Variants in GRIN2B observed in about 807,000 individuals in gnomAD.
The protein encoded by GRIN2B is glutamate receptor ionotropic, NMDA 2B.
GRIN2B carries 5 observed loss-of-function variants against 114.5 expected under a neutral mutation model. The ratio of observed to expected loss-of-function variants is 0.04; its 90% CI spans 0.02 to 0.09. The LOEUF (loss-of-function observed/expected upper bound fraction) is 0.09. GRIN2B is among the 10% of genes least tolerant of loss of function. GRIN2B has a pLI of 1.00. For missense variants in GRIN2B, 1,108 were observed against 1,943.5 expected (o/e 0.57, Z 8.08); for synonymous variants, 787 against 745.1 (o/e 1.06, Z -0.92).
chr12:13,625,244 A>G (rs184354531), intron 5 of GRIN2B, among the ~76,000 whole-genome samples: 9 of 152,332 alleles, frequency 5.9e-5, no homozygotes, highest in East Asian at 3.9e-4. Context: ...TCACCACGCT[A>G]TGTTACCAAG....
At chr12:13,611,923 A>G in intron 8 of GRIN2B, 73 bp from the exon 9 acceptor site, 1 of 1,503,472 alleles carries the variant, frequency 6.7e-7, no homozygotes, top group Non-Finnish European at 9.3e-7. Context: ...TCACATATTC[A>G]TTTCATATTT....
In GRIN2B at chr12:13,547,501, C is replaced by T. The variant is rs890951269; in HGVS notation, c.*15282G>A. Reference sequence around the variant, plus strand: ...GATTCTACTCTTTTTTCATGAATTTCTGTATGATATTTAGCAATTAGAATG... The same window carrying T: ...GATTCTACTCTTTTTTCATGAATTTTTGTATGATATTTAGCAATTAGAATG... On this transcript the variant is annotated 3_prime_UTR_variant, in exon 14 of 14. Transcript: ENST00000609686. 4.6e-5 allele frequency: 7 copies of T among 152,042 alleles called. No homozygotes were observed. The highest frequency in any genetic ancestry group is 1.4e-4 in the African/African-American group (6 of 41,400). The allele number at this position is 152,042 out of a possible 1,614,324, so 9.4% of individuals were successfully genotyped here. A position where few individuals can be genotyped will look rare whatever the true frequency, so the allele number is the denominator to read the frequency against.
At chr12:13,872,934 T>C (rs1865934466) in intron 2 of GRIN2B, among the ~76,000 whole-genome samples, 1 of 152,170 alleles carries the variant, frequency 6.6e-6, no homozygotes, top group Admixed American at 6.5e-5. Flanking sequence ...CTATTTTCTA[T>C]CATTTCAAGC....
chr12:13,908,583 G>A (rs911431487), intron 2 of GRIN2B, among the ~76,000 whole-genome samples: 2 of 152,118 alleles, frequency 1.3e-5, no homozygotes, highest in African/African-American at 2.4e-5. Context: ...TATCACACCC[G>A]AAAGTTCTTC....
chr12:13,592,737 C>T (rs1196408366), intron 10 of GRIN2B, among the ~76,000 whole-genome samples: 2 of 152,150 alleles, frequency 1.3e-5, no homozygotes, highest in African/African-American at 4.8e-5. Flanking sequence ...TTGGGGCATC[C>T]AAGCCTGACA....
In GRIN2B at chr12:13,561,777, ACTTGTTTATGTACCTTGTT is replaced by A. The variant is rs1183173976; in HGVS notation, c.*987_*1005del. ...TTGAAACAATTGCCAACCACTGAGGACTTGTTTATGTACCTTGTTCTTGCAGGATTGCTCACCGCCTTTT... is the reference window on the plus strand; with the variant it reads ...TTGAAACAATTGCCAACCACTGAGGACTTGCAGGATTGCTCACCGCCTTTT... On this transcript the variant is annotated 3_prime_UTR_variant, in exon 14 of 14. Coordinates refer to ENST00000609686, the MANE Select transcript of GRIN2B (RefSeq NM_000834.5). 2 of 152,590 alleles carry A rather than the reference ACTTGTTTATGTACCTTGTT, an allele frequency of 1.3e-5. No individual in the cohort carries two copies. The highest frequency in any genetic ancestry group is 2.9e-5 in the Non-Finnish European group (2 of 68,028). The allele number at this position is 152,590 out of a possible 1,614,324, so 9.5% of individuals were successfully genotyped here.
intron 3 of GRIN2B, among the ~76,000 whole-genome samples, chr12:13,773,391 T>A (rs976306825): frequency 6.6e-6 from 1 of 152,196 alleles, no homozygotes; most frequent in Non-Finnish European, 1.5e-5. Context: ...ATCTGTCAAA[T>A]ACACATGAGG....
At chr12:13,616,734 C>G in intron 5 of GRIN2B, 77 bp from the exon 6 acceptor site, 2 of 1,117,174 alleles carry the variant, frequency 1.8e-6, no homozygotes, top group Non-Finnish European at 2.7e-6. Flanking sequence ...ATTGTCTGAA[C>G]AATCCCAGGA....
intron 2 of GRIN2B, among the ~76,000 whole-genome samples, chr12:13,919,003 T>G (rs1866777866): frequency 6.6e-6 from 1 of 152,150 alleles, no homozygotes; most frequent in Non-Finnish European, 1.5e-5. Context: ...AAGAAAAAAA[T>G]AGAGACTTCT....
intron 10 of GRIN2B, among the ~76,000 whole-genome samples, chr12:13,599,121 G>A (rs1437635387): frequency 6.6e-6 from 1 of 152,184 alleles, no homozygotes; most frequent in Non-Finnish European, 1.5e-5. Flanking sequence ...AAATAGGAGA[G>A]GAAACATCCG....
At chr12:13,770,458 G>A (rs1388008519) in intron 3 of GRIN2B, among the ~76,000 whole-genome samples, 1 of 152,164 alleles carries the variant, frequency 6.6e-6, no homozygotes, top group Non-Finnish European at 1.5e-5. Flanking sequence ...CTGTAAAATG[G>A]TGGTTAAGCC....
At chr12:13,832,225 A>G (rs762043946) in intron 3 of GRIN2B, among the ~76,000 whole-genome samples, 4 of 152,254 alleles carry the variant, frequency 2.6e-5, no homozygotes, top group African/African-American at 4.8e-5. Flanking sequence ...TCAAAGAATT[A>G]TTAAAAAGAT....
chr12:13,703,110 A>C (rs1463154351), intron 4 of GRIN2B, among the ~76,000 whole-genome samples: 1 of 152,206 alleles, frequency 6.6e-6, no homozygotes, highest in Non-Finnish European at 1.5e-5. Flanking sequence ...TTATGCTCCC[A>C]GGGATACTTG....
rs2136396479 is a variant in GRIN2B at position 13,558,847 on chromosome 12, C to G, written c.*3936G>C. 6.6e-6 allele frequency: 1 copy of G among 152,220 alleles called. No homozygotes were observed. Among genetic ancestry groups the G allele is most frequent in the South Asian group, 2.1e-4 (1 of 4,828 alleles). The allele number at this position is 152,220 out of a possible 1,614,324, so 9.4% of individuals were successfully genotyped here. On this transcript the variant is annotated 3_prime_UTR_variant, in exon 14 of 14. Transcript: ENST00000609686. ...CTTTGAAGGGTGTGCAAAGTCTCGA[C>G]TCAGGCAAATTCAAGGGTCAGATTA...
chr12:13,674,678 T>C (rs910285201), intron 5 of GRIN2B, among the ~76,000 whole-genome samples: 5 of 152,164 alleles, frequency 3.3e-5, no homozygotes, highest in Non-Finnish European at 7.4e-5. Flanking sequence ...TGAAGCCCAT[T>C]CTCAGCCAAT....
At chr12:13,846,721 T>C (rs4280084) in intron 3 of GRIN2B, among the ~76,000 whole-genome samples, 20,491 of 152,178 alleles carry the variant, frequency 0.13, 1,504 homozygotes, top group African/African-American at 0.17. Context: ...GAGGAATGAA[T>C]GAGGAAACAT....
At chr12:13,876,411 C>T (rs1269353158) in intron 2 of GRIN2B, among the ~76,000 whole-genome samples, 1 of 152,186 alleles carries the variant, frequency 6.6e-6, no homozygotes, top group African/African-American at 2.4e-5. Context: ...TCTGTTGACT[C>T]CAATTACTTA....
intron 2 of GRIN2B, among the ~76,000 whole-genome samples, chr12:13,928,589 A>G (rs921574917): frequency 6.6e-6 from 1 of 152,230 alleles, no homozygotes; most frequent in African/African-American, 2.4e-5. Context: ...AAGTGGCTAA[A>G]GCTTAGAAAA....
At chr12:13,934,831 C>T (rs1300425698) in intron 2 of GRIN2B, among the ~76,000 whole-genome samples, 3 of 144,088 alleles carry the variant, frequency 2.1e-5, no homozygotes, top group Non-Finnish European at 1.5e-5. Context: ...TCAGCAAAGC[C>T]ATGTGTGCTC....
Sources: gnomAD v4.1 joint callset for allele counts (sites outside exome capture counted in the v4.1 genomes callset) on GRCh38, gnomAD v4.1.1 for gene constraint, MANE v1.5 for transcripts, NCBI Gene and HGNC (gene_info 2026-07-23, HGNC 2026-07-21) for gene names.